Variants in NCKAP5 observed in about 807,000 individuals in gnomAD.
NCKAP5 encodes the protein NCK associated protein 5.
NCKAP5 carries 92 observed loss-of-function variants against 167.0 expected under a neutral mutation model. That is an observed-to-expected ratio of 0.55 (90% CI 0.47 to 0.66). The LOEUF (loss-of-function observed/expected upper bound fraction) is 0.66, where lower values mean the gene tolerates loss of function less well. NCKAP5 is among the 30% of genes least tolerant of loss of function. NCKAP5 has a pLI of 0.00. For synonymous variants in NCKAP5, 891 were observed against 877.4 expected (o/e 1.02, Z -0.27); for missense variants, 2,378 against 2,315.0 (o/e 1.03, Z -0.56).
intron 3 of NCKAP5, among the ~76,000 whole-genome samples, chr2:133,320,467 G>A (rs1216089517): frequency 6.6e-6 from 1 of 152,136 alleles, no homozygotes; most frequent in Non-Finnish European, 1.5e-5. Flanking sequence ...GGTGGCTCAC[G>A]CCTGTAATCC....
chr2:133,260,680 CGG>C (rs2088859531), intron 4 of NCKAP5, among the ~76,000 whole-genome samples: 1 of 151,936 alleles, frequency 6.6e-6, no homozygotes, highest in African/African-American at 2.4e-5. Context: ...GTCCCTCGGA[CGG>C]AGGTAAAAAG....
At chr2:133,220,436 C>T (rs776065205) in intron 4 of NCKAP5, among the ~76,000 whole-genome samples, 9 of 152,206 alleles carry the variant, frequency 5.9e-5, no homozygotes, top group Non-Finnish European at 1.2e-4. Flanking sequence ...CAGAGCTACT[C>T]TTCTTACTCA....
intron 7 of NCKAP5, among the ~76,000 whole-genome samples, chr2:132,990,685 T>C (rs2077424368): frequency 6.6e-6 from 1 of 152,072 alleles, no homozygotes; most frequent in African/African-American, 2.4e-5. Flanking sequence ...GTTGGAGAGA[T>C]AGACTGGAAA....
At chr2:133,164,974 A>C (rs2083940245) in intron 5 of NCKAP5, among the ~76,000 whole-genome samples, 1 of 152,218 alleles carries the variant, frequency 6.6e-6, no homozygotes, top group South Asian at 2.1e-4. Context: ...GGTAACACAA[A>C]GTGTTGGCAA....
intron 19 of NCKAP5, among the ~76,000 whole-genome samples, chr2:132,674,014 C>A (rs1684098656): frequency 6.6e-6 from 1 of 152,186 alleles, no homozygotes; most frequent in African/African-American, 2.4e-5. Context: ...CAATAATTAT[C>A]ATAGGTAAAC....
intron 11 of NCKAP5, among the ~76,000 whole-genome samples, chr2:132,820,014 G>A (rs922701005): frequency 6.6e-6 from 1 of 152,092 alleles, no homozygotes; most frequent in East Asian, 1.9e-4. Context: ...AGAACCACAG[G>A]ATATTCTCTT....
At chr2:133,073,636 G>A (rs1167918658) in intron 6 of NCKAP5, among the ~76,000 whole-genome samples, 2 of 152,164 alleles carry the variant, frequency 1.3e-5, no homozygotes, top group Non-Finnish European at 2.9e-5. Flanking sequence ...TCATCAATTA[G>A]AGGACTTTAA....
chr2:133,210,153 G>A (rs2086142082), intron 5 of NCKAP5, among the ~76,000 whole-genome samples: 1 of 66,386 alleles, frequency 1.5e-5, no homozygotes, highest in Admixed American at 1.4e-4. Flanking sequence ...CAACAAGAGT[G>A]AAACTCCATC....
the NCKAP5 span, among the ~76,000 whole-genome samples, chr2:133,672,254 AGAG>A: frequency 7.6e-6 from 1 of 130,996 alleles, no homozygotes; most frequent in Admixed American, 7.3e-5. Flanking sequence ...GACTCATAAG[AGAG>A]GAGAGCATCT....
At chr2:133,248,823 C>G (rs1196241470) in intron 4 of NCKAP5, among the ~76,000 whole-genome samples, 2 of 152,186 alleles carry the variant, frequency 1.3e-5, no homozygotes, top group Non-Finnish European at 2.9e-5. Context: ...TCAACAGACC[C>G]AACCCTGGTC....
chr2:133,306,032 A>C (rs1040867439), intron 3 of NCKAP5, among the ~76,000 whole-genome samples: 1 of 152,252 alleles, frequency 6.6e-6, no homozygotes, highest in African/African-American at 2.4e-5. Flanking sequence ...CTGAACTGGA[A>C]AAGTTAGTTA....
At chr2:133,331,586 G>T (rs1287835515) in intron 3 of NCKAP5, among the ~76,000 whole-genome samples, 1 of 152,176 alleles carries the variant, frequency 6.6e-6, no homozygotes, top group Non-Finnish European at 1.5e-5. Context: ...AGCAATTATT[G>T]TGTCCTCTCT....
At chr2:132,842,063 A>AT (rs1265563601) in intron 11 of NCKAP5, among the ~76,000 whole-genome samples, 2 of 152,096 alleles carry the variant, frequency 1.3e-5, no homozygotes, top group African/African-American at 2.4e-5. Flanking sequence ...CATTACACAC[A>AT]TTTTTTAGGA....
chr2:133,670,734 C>T, the NCKAP5 span, among the ~76,000 whole-genome samples: 7 of 152,178 alleles, frequency 4.6e-5, no homozygotes, highest in Non-Finnish European at 1.0e-4. Context: ...CACTAACTCC[C>T]TCATAGCTTG....
At chr2:133,456,659 G>A (rs1691882057) in intron 3 of NCKAP5, among the ~76,000 whole-genome samples, 1 of 152,158 alleles carries the variant, frequency 6.6e-6, no homozygotes, top group Non-Finnish European at 1.5e-5. Context: ...ATTATGTAGT[G>A]AATTTGAAGG....
intron 3 of NCKAP5, among the ~76,000 whole-genome samples, chr2:133,435,195 T>A (rs1365878391): frequency 3.9e-5 from 6 of 152,146 alleles, no homozygotes; most frequent in Non-Finnish European, 2.9e-5. Flanking sequence ...CAGGGAGAGA[T>A]CTTCTAATGA....
chr2:132,799,555 G>A (rs1684869125), intron 11 of NCKAP5, among the ~76,000 whole-genome samples: 1 of 152,038 alleles, frequency 6.6e-6, no homozygotes, highest in Non-Finnish European at 1.5e-5. Flanking sequence ...ATTAAGAAGG[G>A]AAAACAAACA....
intron 6 of NCKAP5, among the ~76,000 whole-genome samples, chr2:133,024,324 C>T (rs1186060313): frequency 2.0e-5 from 3 of 152,126 alleles, no homozygotes; most frequent in African/African-American, 7.2e-5. Flanking sequence ...CTAAGAATGA[C>T]AACTATCAGA....
the NCKAP5 span, among the ~76,000 whole-genome samples, chr2:133,594,814 A>C: frequency 6.6e-6 from 1 of 152,218 alleles, no homozygotes; most frequent in African/African-American, 2.4e-5. Context: ...GGTATGTTAC[A>C]TCACTTCATC....
Sources: allele counts gnomAD v4.1 joint callset (sites outside exome capture counted in the v4.1 genomes callset), GRCh38; gene constraint gnomAD v4.1.1; transcripts MANE v1.5; gene names NCBI Gene and HGNC (gene_info 2026-07-23, HGNC 2026-07-21).